The following WASHC4 variants were observed in gnomAD, a reference collection of about 807,000 sequenced individuals.
The protein encoded by WASHC4 is WASH complex subunit 4, also known as WASH complex subunit 7.
WASHC4 carries 86 observed loss-of-function variants against 166.6 expected under a neutral mutation model. That is an observed-to-expected ratio of 0.52 (90% confidence interval 0.43 to 0.62). WASHC4 has a LOEUF of 0.62. WASHC4 is among the 20% of genes least tolerant of loss of function. The pLI is 0.00. For synonymous variants in WASHC4, 446 were observed against 451.6 expected (o/e 0.99, Z 0.16); for missense variants, 1,262 against 1,382.4 (o/e 0.91, Z 1.38).
At chr12:105,123,824 G>GA (rs1230595115) in intron 10 of WASHC4, among the ~76,000 whole-genome samples, 1 of 152,152 alleles carries the variant, frequency 6.6e-6, no homozygotes, top group Non-Finnish European at 1.5e-5. Context: ...TTTCATAGAG[G>GA]AAAAGTCAAT....
chr12:105,154,504 A>G (rs939178342), intron 26 of WASHC4, among the ~76,000 whole-genome samples: 4 of 152,174 alleles, frequency 2.6e-5, no homozygotes, highest in African/African-American at 4.8e-5. Flanking sequence ...TGCCATGGCT[A>G]TTCTTAGTGC....
chr12:105,119,130 A>G (rs948930338), intron 7 of WASHC4, among the ~76,000 whole-genome samples: 1 of 152,190 alleles, frequency 6.6e-6, no homozygotes, highest in Non-Finnish European at 1.5e-5. Context: ...GAAAACAGAA[A>G]GGAAAAGATT....
At chr12:105,147,220 A>G in intron 24 of WASHC4, 74 bp downstream of exon 24, 1 of 872,538 alleles carries the variant, frequency 1.1e-6, no homozygotes. Context: ...TTCTCATAGA[A>G]TATTGCGGTA....
rs768474056 is a variant in WASHC4, at chr12:105,147,056, A to G, written c.2424A>G (p.Arg808=). 2 of 1,603,118 alleles carry G rather than the reference A, an allele frequency of 1.2e-6. No homozygotes were observed. The highest frequency in any genetic ancestry group is 3.3e-5 in the Admixed American group (2 of 59,992). ...YNLNNQIFIE[R]TSNNKHLNTI... The stretch of plus-strand genomic sequence containing the variant: ...TTTCATTGCAGATTTTTATTGAACG[A>G]ACAAGCAATAACAAGCATTTGAATA... The change falls in exon 24 of 33, where the codon CGA becomes CGG. Residue 808 remains arginine (R), a synonymous_variant. Transcript: ENST00000332180.
chr12:105,111,001 G>T (rs573755173), intron 1 of WASHC4, 124 bp from the exon 2 acceptor site: 6 of 699,082 alleles, frequency 8.6e-6, no homozygotes, highest in Non-Finnish European at 1.5e-5. Flanking sequence ...TTATTTTCAG[G>T]AAGTCCAGAC....
At position 105,167,915 on chromosome 12, in the gene WASHC4, TAC is replaced by T. The variant is rs537167974; in HGVS notation, c.*986_*987del. 3.5e-3 allele frequency: 527 copies of T among 152,642 alleles called. 1 individual carries two copies. Among genetic ancestry groups the T allele is most frequent in the Non-Finnish European group, 5.5e-3 (375 of 67,940 alleles). 9.5% of individuals were successfully genotyped at this position (152,642 alleles called of 1,614,324 possible). A position where few individuals can be genotyped will look rare whatever the true frequency, so the allele number is the denominator to read the frequency against. Reference sequence around the variant, plus strand: ...ATACATCACTTACTGATTTTAAAAATACAGAAAGATTTTGAGTAAATTTTGTG... The same window carrying T: ...ATACATCACTTACTGATTTTAAAAATAGAAAGATTTTGAGTAAATTTTGTG... On this transcript the variant is annotated 3_prime_UTR_variant, in exon 33 of 33. Coordinates refer to ENST00000332180, the MANE Select transcript of WASHC4 (RefSeq NM_015275.3).
At chr12:105,117,924 C>T (rs962305540) in intron 6 of WASHC4, among the ~76,000 whole-genome samples, 2 of 152,202 alleles carry the variant, frequency 1.3e-5, no homozygotes, top group Admixed American at 1.3e-4. Context: ...CGACATTTCA[C>T]TTGCTGTGTG....
intron 25 of WASHC4, among the ~76,000 whole-genome samples, chr12:105,151,260 G>C (rs1200060994): frequency 2.0e-5 from 3 of 151,868 alleles, no homozygotes; most frequent in Admixed American, 1.3e-4. Flanking sequence ...GGCAGCAGGC[G>C]CATGTAGCCA....
At position 105,143,135 on chromosome 12, in the gene WASHC4, C is replaced by T; in HGVS notation, c.1902C>T (p.Phe634=). 1 of 1,603,416 alleles carries T rather than the reference C, an allele frequency of 6.2e-7. No individual in the cohort carries two copies. Among genetic ancestry groups the T allele is most frequent in the Non-Finnish European group, 8.5e-7 (1 of 1,170,880 alleles). ...TTTAATTTTCTTCTTAGTACATGTT[C>T]AGTGCTTTGCGCGACTGTGTACCTG... ...AVDAARLHYM[F]SALRDCVPAM... Residue 634 remains phenylalanine (F), a synonymous_variant, in exon 20 of 33, where the codon TTC becomes TTT. Transcript: ENST00000332180.
At chr12:105,150,375 C>T (rs1318984137) in intron 25 of WASHC4, among the ~76,000 whole-genome samples, 1 of 152,226 alleles carries the variant, frequency 6.6e-6, no homozygotes, top group Admixed American at 6.5e-5. Flanking sequence ...TTTCTGAAAA[C>T]TTCCTTAAGG....
At chr12:105,134,296 T>G (rs1259103131) in intron 14 of WASHC4, among the ~76,000 whole-genome samples, 3 of 152,162 alleles carry the variant, frequency 2.0e-5, no homozygotes, top group Admixed American at 6.5e-5. Context: ...CTTTATGGCC[T>G]AGCCCATGGT....
intron 24 of WASHC4, chr12:105,147,407 A>G: frequency 4.1e-6 from 2 of 486,812 alleles, no homozygotes; most frequent in Non-Finnish European, 7.4e-6. Flanking sequence ...ATTTGAGGAC[A>G]TCAGCACATT....
intron 26 of WASHC4, among the ~76,000 whole-genome samples, chr12:105,153,556 CA>C (rs1883926198): frequency 6.6e-6 from 1 of 152,122 alleles, no homozygotes; most frequent in Non-Finnish European, 1.5e-5. Flanking sequence ...ACTTATGGAG[CA>C]ATAGTTCTTA....
At chr12:105,144,674 T>C (rs1415072644) in intron 21 of WASHC4, 44 bp from the exon 22 acceptor site, 17 of 1,552,898 alleles carry the variant, frequency 1.1e-5, no homozygotes, top group African/African-American at 1.4e-5. Flanking sequence ...TCATTTCTTT[T>C]CCTTTTCTAC....
chr12:105,152,107 T>C (rs534612443), intron 25 of WASHC4, among the ~76,000 whole-genome samples: 1 of 152,302 alleles, frequency 6.6e-6, no homozygotes, highest in Non-Finnish European at 1.5e-5. Context: ...GACTAATAAT[T>C]GTGGTAGGGA....
intron 7 of WASHC4, among the ~76,000 whole-genome samples, chr12:105,119,302 T>C (rs1395864209): frequency 2.1e-5 from 3 of 146,310 alleles, no homozygotes; most frequent in Non-Finnish European, 4.6e-5. Flanking sequence ...CAAAATAATA[T>C]CTCATTTGAT....
Position 105,133,850 on chromosome 12 carries a change from A to C in WASHC4, c.1280A>C (p.Asp427Ala). Residue 427 changes from aspartate to alanine, a missense_variant, in exon 14 of 33, where the codon GAT (aspartate) becomes GCT (alanine). Transcript: ENST00000332180. ...ATTTTGTCTAAAGAGCAGAGAATGGATAAATTTGCTGAAGATCTCACCAAT... is the reference window on the plus strand; with the variant it reads ...ATTTTGTCTAAAGAGCAGAGAATGGCTAAATTTGCTGAAGATCTCACCAAT... ...ESILSKEQRM[D>A]KFAEDLTNRC... The C allele has an allele frequency of 6.2e-7, 1 of 1,611,968 alleles. No individual in the cohort carries two copies. The highest frequency in any genetic ancestry group is 8.5e-7 in the Non-Finnish European group (1 of 1,178,372).
intron 29 of WASHC4, among the ~76,000 whole-genome samples, chr12:105,161,393 G>A (rs549461981): frequency 6.6e-6 from 1 of 152,262 alleles, no homozygotes; most frequent in South Asian, 2.1e-4. Context: ...GTGTCAAACT[G>A]GAGGGAGAGT....
chr12:105,144,887 G>GTT lies in WASHC4; in HGVS notation c.2334+22_2334+23dup, dbSNP rs139265089. 2.9e-5 allele frequency: 47 copies of GTT among 1,608,016 alleles called. No individual in the cohort carries two copies. Among genetic ancestry groups the GTT allele is most frequent in the Admixed American group, 1.8e-4 (11 of 59,644 alleles). On this transcript the variant is annotated intron_variant, in intron 22 of 32. Transcript: ENST00000332180. ...CTTTGGAACAGGTATAGTATAAAAT[G>GTT]TTTTTTTTAGCATACTGTGACTGTT...
Sources: allele counts gnomAD v4.1 joint callset (sites outside exome capture counted in the v4.1 genomes callset), GRCh38; gene constraint gnomAD v4.1.1; transcripts MANE v1.5; gene names NCBI Gene and HGNC (gene_info 2026-07-23, HGNC 2026-07-21).